SPOCK1: variants seen among roughly 807,000 people sequenced by gnomAD.
SPOCK1 encodes testican-1.
A neutral mutation model predicts 55.3 loss-of-function variants in SPOCK1; 23 were observed. The observed-to-expected ratio is 0.42, with a 90% CI of 0.30 to 0.59. The LOEUF (loss-of-function observed/expected upper bound fraction) is 0.59, where lower values mean the gene tolerates loss of function less well. SPOCK1 is among the 20% of genes least tolerant of loss of function. The pLI is 0.22. For synonymous variants in SPOCK1, 226 were observed against 221.0 expected (o/e 1.02, Z -0.20); for missense variants, 499 against 552.5 (o/e 0.90, Z 0.97).
Position 136,979,472 on chromosome 5 carries a change from G to A in SPOCK1, c.992-3C>T. 1 of 1,612,018 alleles carries A rather than the reference G, an allele frequency of 6.2e-7. No homozygotes were observed. Among genetic ancestry groups the A allele is most frequent in the Non-Finnish European group, 8.5e-7 (1 of 1,179,436 alleles). On this transcript the variant is annotated splice_polypyrimidine_tract_variant and splice_region_variant and intron_variant, in intron 9 of 10. Coordinates refer to ENST00000394945, the MANE Select transcript of SPOCK1 (RefSeq NM_004598.4). ...ATTACACCGAGGTATGAAGGCCCCTGGGGGAACAAAAGGTGCAACTTTAAT... is the reference window on the plus strand; with the variant it reads ...ATTACACCGAGGTATGAAGGCCCCTAGGGGAACAAAAGGTGCAACTTTAAT...
intron 6 of SPOCK1, among the ~76,000 whole-genome samples, chr5:137,020,766 C>G (rs1392905901): frequency 1.3e-5 from 2 of 151,822 alleles, no homozygotes; most frequent in African/African-American, 4.8e-5. Context: ...TGAACAGGAA[C>G]TTAATAAATG....
intron 2 of SPOCK1, among the ~76,000 whole-genome samples, chr5:137,316,810 T>C (rs1580863441): frequency 1.3e-5 from 2 of 152,184 alleles, no homozygotes; most frequent in East Asian, 3.9e-4. Context: ...ACTCACAACA[T>C]GTAATTTTTC....
intron 4 of SPOCK1, among the ~76,000 whole-genome samples, chr5:137,132,174 C>CAAAAAA (rs762937224): frequency 6.8e-5 from 4 of 59,204 alleles, no homozygotes; most frequent in Admixed American, 2.1e-4. Context: ...GACTCTGTCT[C>CAAAAAA]AAAAAAAAAA....
chr5:137,275,189 A>G (rs570712631), intron 2 of SPOCK1, among the ~76,000 whole-genome samples: 6 of 152,346 alleles, frequency 3.9e-5, no homozygotes, highest in African/African-American at 1.4e-4. Flanking sequence ...TTCATTTCAG[A>G]GAAAGTACAA....
chr5:137,032,529 G>A (rs970325360), intron 6 of SPOCK1, among the ~76,000 whole-genome samples: 1 of 152,150 alleles, frequency 6.6e-6, no homozygotes, highest in African/African-American at 2.4e-5. Context: ...AGAGATGATG[G>A]TGCCAGAAAA....
At chr5:137,112,894 C>T (rs1410461926) in intron 4 of SPOCK1, among the ~76,000 whole-genome samples, 1 of 150,518 alleles carries the variant, frequency 6.6e-6, no homozygotes, top group East Asian at 2.0e-4. Context: ...AGCCCCAATA[C>T]CGTATGTGGC....
intron 5 of SPOCK1, among the ~76,000 whole-genome samples, chr5:137,102,671 G>C (rs574772801): frequency 1.2e-3 from 179 of 152,274 alleles, no homozygotes; most frequent in African/African-American, 4.0e-3. Context: ...CAGCTCTTGA[G>C]TCAGACAGAC....
intron 2 of SPOCK1, among the ~76,000 whole-genome samples, chr5:137,450,734 A>T (rs1164826242): frequency 1.3e-5 from 2 of 151,966 alleles, no homozygotes; most frequent in African/African-American, 4.8e-5. Flanking sequence ...TGGCACCATT[A>T]TCTCTCCTAT....
chr5:137,006,321 T>C (rs1314163641), intron 6 of SPOCK1, among the ~76,000 whole-genome samples: 6 of 152,240 alleles, frequency 3.9e-5, no homozygotes, highest in Admixed American at 6.5e-5. Flanking sequence ...ACCATACTGA[T>C]TCTTCCTATC....
intron 5 of SPOCK1, among the ~76,000 whole-genome samples, chr5:137,104,036 T>C (rs999660753): frequency 1.3e-5 from 2 of 152,212 alleles, no homozygotes; most frequent in Non-Finnish European, 2.9e-5. Flanking sequence ...TCCAAACACA[T>C]ACAACTTCAT....
intron 2 of SPOCK1, among the ~76,000 whole-genome samples, chr5:137,358,482 GGAT>G (rs1466036282): frequency 2.7e-4 from 38 of 138,914 alleles, no homozygotes; most frequent in Admixed American, 1.3e-3. Flanking sequence ...GGGGAGGGGA[GGAT>G]GGAAGGAGGG....
Position 137,306,745 on chromosome 5 carries a change from C to T in SPOCK1, c.187-39690G>A, listed in dbSNP as rs182328634. On this transcript the variant is annotated intron_variant, in intron 2 of 10. Coordinates refer to ENST00000394945, the MANE Select transcript of SPOCK1 (RefSeq NM_004598.4). ...CAGACCCGACCATGTTTGTAATGTG[C>T]ATAGCTTTTTAAAGTTTATAATTTT... 1.1e-3 allele frequency among the ~76,000 whole-genome samples: 173 copies of T among 151,660 alleles called. 4 individuals are homozygous for T. In the Middle Eastern group the frequency reaches 0.014, roughly 12 times the overall value.
chr5:137,067,419 C>G (rs1027740727), intron 6 of SPOCK1, among the ~76,000 whole-genome samples: 3 of 152,202 alleles, frequency 2.0e-5, no homozygotes, highest in Non-Finnish European at 1.5e-5. Context: ...TACCCCAGGG[C>G]AGGTCCGGTC....
At position 136,982,099 on chromosome 5, in the gene SPOCK1, CTG is replaced by C. The variant is rs1480676174; in HGVS notation, c.992-2632_992-2631del. On this transcript the variant is annotated intron_variant, in intron 9 of 10. Transcript: ENST00000394945. ...GAGCAATAGGCTATACCATCTAGGTCTGTGTGAGTATACTCTATGATGTTTAC... is the reference window on the plus strand; with the variant it reads ...GAGCAATAGGCTATACCATCTAGGTCTGTGAGTATACTCTATGATGTTTAC... Among the ~76,000 whole-genome samples, 6 of 152,254 alleles carry C rather than the reference CTG, an allele frequency of 3.9e-5. No homozygotes were observed. In the South Asian group the frequency reaches 6.2e-4, roughly 16 times the overall value.
chr5:137,478,682 C>G (rs1011031031), intron 2 of SPOCK1, among the ~76,000 whole-genome samples: 4 of 152,120 alleles, frequency 2.6e-5, no homozygotes, highest in African/African-American at 9.6e-5. Context: ...GTAAGATTTC[C>G]TATTTATCAA....
At chr5:137,493,399 A>G (rs1232961480) in intron 2 of SPOCK1, among the ~76,000 whole-genome samples, 1 of 152,226 alleles carries the variant, frequency 6.6e-6, no homozygotes, top group East Asian at 1.9e-4. Context: ...TGGCCTCATC[A>G]GAATATAGGA....
chr5:137,351,183 G>A lies in SPOCK1; in HGVS notation c.187-84128C>T, dbSNP rs552208267. Reference sequence around the variant, plus strand: ...ATCAGAGAAGCAGCATGCTGGGTTGGAAAGGTAGACCTTCTGCACTGGATC... The same window carrying A: ...ATCAGAGAAGCAGCATGCTGGGTTGAAAAGGTAGACCTTCTGCACTGGATC... On this transcript the variant is annotated intron_variant, in intron 2 of 10. Transcript: ENST00000394945. Among the ~76,000 whole-genome samples the A allele has an allele frequency of 2.0e-5, 3 of 152,332 alleles. No homozygotes were observed. The East Asian group carries it at 5.8e-4, about 29-fold the overall frequency.
At chr5:137,198,811 C>T (rs1025601575) in intron 3 of SPOCK1, among the ~76,000 whole-genome samples, 1 of 152,168 alleles carries the variant, frequency 6.6e-6, no homozygotes, top group African/African-American at 2.4e-5. Flanking sequence ...TAGATGAAAA[C>T]TCAACCATGT....
At chr5:137,130,600 A>C (rs1753856107) in intron 4 of SPOCK1, among the ~76,000 whole-genome samples, 1 of 152,246 alleles carries the variant, frequency 6.6e-6, no homozygotes, top group Non-Finnish European at 1.5e-5. Flanking sequence ...ATCTAGCTCC[A>C]GGCCACAGGG....
Sources: gnomAD v4.1 joint callset for allele counts (sites outside exome capture counted in the v4.1 genomes callset) on GRCh38, gnomAD v4.1.1 for gene constraint, MANE v1.5 for transcripts, NCBI Gene and HGNC (gene_info 2026-07-23, HGNC 2026-07-21) for gene names.